ENGASE: variants seen among roughly 807,000 people sequenced by gnomAD.
The protein encoded by ENGASE is cytosolic endo-beta-N-acetylglucosaminidase.
In ENGASE, 69 loss-of-function variants were observed where a neutral mutation model predicts 78.5. That is an observed-to-expected ratio of 0.88 (90% CI 0.72 to 1.07). ENGASE has a LOEUF of 1.07. Among genes scored for constraint, ENGASE ranks in the 50% least tolerant of loss-of-function variants. The pLI is 0.00. For missense variants in ENGASE, 943 were observed against 988.4 expected (o/e 0.95, Z 0.62); for synonymous variants, 408 against 408.9 (o/e 1.00, Z 0.03).
intron 5 of ENGASE, 94 bp downstream of exon 5, chr17:79,080,458 C>T (rs34010889): frequency 2.7e-6 from 4 of 1,467,726 alleles, no homozygotes; most frequent in South Asian, 2.4e-5. Context: ...CGCCCCACGC[C>T]TGGGCTGCAG....
Position 79,086,164 on chromosome 17 carries a change from A to C in ENGASE, c.2047A>C (p.Met683Leu), listed in dbSNP as rs1350129819. 2.5e-6 allele frequency: 4 copies of C among 1,613,770 alleles called. No homozygotes were observed. The highest frequency in any genetic ancestry group is 3.4e-6 in the Non-Finnish European group (4 of 1,180,026). Residue 683 changes from methionine to leucine, a missense_variant, in exon 14 of 14, where the codon ATG (methionine) becomes CTG (leucine). Met to Leu is a conservative substitution (Grantham distance 15). Transcript: ENST00000579016. The part of the protein sequence containing the change: ...SPGRELPRPE[M>L]PMFLGLAFAT... ...GGGCAGGGAGCTGCCGAGGCCAGAG[A>C]TGCCCATGTTCCTGGGGTTGGCTTT...
At chr17:79,084,834 G>A (rs2073246414) in intron 11 of ENGASE, 148 bp downstream of exon 11, 2 of 858,104 alleles carry the variant, frequency 2.3e-6, no homozygotes, top group African/African-American at 1.7e-5. Flanking sequence ...GCAGCTTGTG[G>A]TCAAGGCCTG....
Position 79,086,634 on chromosome 17 carries a change from T to G in ENGASE, c.*285T>G. The stretch of plus-strand genomic sequence containing the variant: ...ACGGTACCTGGTTCCCAGGTGAAAA[T>G]GAAAGGAGGGGAGAAGTTGAGAACA... On this transcript the variant is annotated 3_prime_UTR_variant, in exon 14 of 14. Transcript: ENST00000579016. 1 of 530,206 alleles carries G rather than the reference T, an allele frequency of 1.9e-6. No individual in the cohort carries two copies. Among genetic ancestry groups the G allele is most frequent in the Non-Finnish European group, 3.4e-6 (1 of 294,416 alleles). The allele number at this position is 530,206 out of a possible 1,614,324, so 32.8% of individuals were successfully genotyped here.
intron 12 of ENGASE, 92 bp downstream of exon 12, chr17:79,085,434 GC>G: frequency 7.4e-7 from 1 of 1,346,394 alleles, no homozygotes; most frequent in Non-Finnish European, 1.0e-6. Flanking sequence ...CCCTGGGCTG[GC>G]CCCCAGGTTT....
At position 79,087,030 on chromosome 17, in the gene ENGASE, G is replaced by A. The variant is rs755933900; in HGVS notation, c.*681G>A. On this transcript the variant is annotated 3_prime_UTR_variant, in exon 14 of 14. Coordinates refer to ENST00000579016, the MANE Select transcript of ENGASE (RefSeq NM_001042573.3). ...TGCTGCTGAGTGTGAGGTCATCTCC[G>A]GAGCGTTTTCAGCAGCCCCTGGCTC... 11 of 495,538 alleles carry A rather than the reference G, an allele frequency of 2.2e-5. No individual in the cohort carries two copies. The highest frequency in any genetic ancestry group is 3.6e-5 in the Non-Finnish European group (9 of 248,634). The allele number at this position is 495,538 out of a possible 1,614,324, so 30.7% of individuals were successfully genotyped here.
chr17:79,084,808 C>T (rs1298377652), intron 11 of ENGASE, 122 bp downstream of exon 11: 14 of 1,126,166 alleles, frequency 1.2e-5, no homozygotes, highest in Admixed American at 9.6e-5. Flanking sequence ...TACATCCTGC[C>T]TTTGCCGGAG....
At position 79,086,879 on chromosome 17, in the gene ENGASE, G is replaced by A. The variant is rs1454110163; in HGVS notation, c.*530G>A. ...GCGGGAGAGGATGCCCTGGAGAACC[G>A]TCCTCCCAGTGTGGAAGGCCCTTTT... is the stretch of plus-strand genomic sequence containing the variant. On this transcript the variant is annotated 3_prime_UTR_variant, in exon 14 of 14. Transcript: ENST00000579016. 3.5e-5 allele frequency: 16 copies of A among 452,676 alleles called. No individual in the cohort carries two copies. Among genetic ancestry groups the A allele is most frequent in the South Asian group, 1.9e-4 (12 of 64,424 alleles). 28.0% of individuals were successfully genotyped at this position (452,676 alleles called of 1,614,324 possible). A position where few individuals can be genotyped will look rare whatever the true frequency, so the allele number is the denominator to read the frequency against.
chr17:79,075,631 G>GGCTTC, intron 1 of ENGASE: 1 of 949,978 alleles, frequency 1.1e-6, no homozygotes, highest in Non-Finnish European at 1.3e-6. Context: ...CTCTGGGCTG[G>GGCTTC]GCTTCCTTCC....
At chr17:79,079,862 G>A (rs1568087894) in intron 4 of ENGASE, among the ~76,000 whole-genome samples, 1 of 152,280 alleles carries the variant, frequency 6.6e-6, no homozygotes, top group Non-Finnish European at 1.5e-5. Context: ...GATTATTGGA[G>A]TGATGGCAGG....
intron 10 of ENGASE, 32 bp from the exon 11 acceptor site, chr17:79,084,506 C>T: frequency 6.5e-7 from 1 of 1,541,128 alleles, no homozygotes; most frequent in South Asian, 1.3e-5. Flanking sequence ...GTGGTCTCTC[C>T]ACGGCACCCA....
In ENGASE at chr17:79,083,912, G is replaced by A. The variant is rs759841792; in HGVS notation, c.1403G>A (p.Arg468Gln). Residue 468 changes from arginine (R) to glutamine (Q), a missense_variant, in exon 10 of 14, where the codon CGG (arginine) becomes CAG (glutamine). Transcript: ENST00000579016. The surrounding 1 kb of genome is among the most constrained non-coding windows in gnomAD (Gnocchi z 4.9). ...AWHGGSSLLV[R>Q]GVIPPEVGNV... is the part of the protein sequence containing the mutation. ...CACGGAGGCAGCTCCCTGCTCGTCC[G>A]GGGTGTGATCCCACCGGAGGTTGGA... 16 of 1,611,508 alleles carry A rather than the reference G, an allele frequency of 9.9e-6. No homozygotes were observed. The Middle Eastern group carries it at 7.8e-4, about 78-fold the overall frequency.
At chr17:79,084,769 G>A (rs1568093795) in intron 11 of ENGASE, 83 bp downstream of exon 11, 1 of 1,486,766 alleles carries the variant, frequency 6.7e-7, no homozygotes, top group Non-Finnish European at 9.2e-7. Context: ...CTGGGGTGTG[G>A]GGAGGAGCTG....
In ENGASE at chr17:79,086,480, G is replaced by A; in HGVS notation, c.*131G>A. The A allele has an allele frequency of 8.7e-7, 1 of 1,147,304 alleles. No homozygotes were observed. Among genetic ancestry groups the A allele is most frequent in the Non-Finnish European group, 1.2e-6 (1 of 835,098 alleles). 71.1% of individuals were successfully genotyped at this position (1,147,304 alleles called of 1,614,324 possible). Reference sequence around the variant, plus strand: ...GGTCCCGGTCCCGGGGCTGGGGTGGGAGACCCCGGGCTGAGTGCTGTGGCT... The same window carrying A: ...GGTCCCGGTCCCGGGGCTGGGGTGGAAGACCCCGGGCTGAGTGCTGTGGCT... On this transcript the variant is annotated 3_prime_UTR_variant, in exon 14 of 14. Transcript: ENST00000579016.
chr17:79,080,088 ATGT>A, intron 4 of ENGASE, 116 bp from the exon 5 acceptor site: 1 of 1,045,892 alleles, frequency 9.6e-7, no homozygotes, highest in Non-Finnish European at 1.4e-6. Flanking sequence ...GGGGATTTGA[ATGT>A]CTACCAAGTG....
At chr17:79,075,915 GAGA>G (rs1168834125) in intron 1 of ENGASE, 1 of 985,248 alleles carries the variant, frequency 1.0e-6, no homozygotes, top group Non-Finnish European at 1.2e-6. Flanking sequence ...GGATTGTTCT[GAGA>G]AGGTCTGGGA....
Position 79,086,550 on chromosome 17 carries a change from G to A in ENGASE, c.*201G>A, listed in dbSNP as rs548604354. Reference sequence around the variant, plus strand: ...AAACAGGAAACCAAGCAGTGGGATCGCAGCGTTGGTCACTGCGAGGCGAGT... The same window carrying A: ...AAACAGGAAACCAAGCAGTGGGATCACAGCGTTGGTCACTGCGAGGCGAGT... On this transcript the variant is annotated 3_prime_UTR_variant, in exon 14 of 14. Transcript: ENST00000579016. 53 of 635,438 alleles carry A rather than the reference G, an allele frequency of 8.3e-5. No individual in the cohort carries two copies. The African/African-American group carries it at 8.8e-4, about 11-fold the overall frequency. The allele number at this position is 635,438 out of a possible 1,614,324, so 39.4% of individuals were successfully genotyped here.
At chr17:79,075,137 T>TCCGTGGCC in intron 1 of ENGASE, 47 bp downstream of exon 1, 2 of 1,198,298 alleles carry the variant, frequency 1.7e-6, no homozygotes, top group Non-Finnish European at 2.1e-6. Flanking sequence ...GGGCTGAGAG[T>TCCGTGGCC]CCGTGGCCCC....
intron 6 of ENGASE, among the ~76,000 whole-genome samples, chr17:79,081,330 G>A (rs545528749): frequency 6.6e-6 from 1 of 152,258 alleles, no homozygotes; most frequent in Non-Finnish European, 1.5e-5. Flanking sequence ...GTGAAACTCC[G>A]TCTCTACTGA....
At chr17:79,084,888 C>T (rs1231047387) in intron 11 of ENGASE, among the ~76,000 whole-genome samples, 1 of 152,116 alleles carries the variant, frequency 6.6e-6, no homozygotes. Flanking sequence ...TGTCCTGTGT[C>T]CTCGTCGGGC....
Sources: gnomAD v4.1 joint callset for allele counts (sites outside exome capture counted in the v4.1 genomes callset) on GRCh38, gnomAD v4.1.1 for gene constraint, Gnocchi (gnomAD v3.1) non-coding constraint, MANE v1.5 for transcripts, NCBI Gene and HGNC (gene_info 2026-07-23, HGNC 2026-07-21) for gene names.